Variants in ELOVL5 observed in about 807,000 individuals in gnomAD.
ELOVL5 encodes very long chain fatty acid elongase 5.
ELOVL5 carries 8 observed loss-of-function variants against 38.6 expected under a neutral mutation model. The ratio of observed to expected loss-of-function variants is 0.21; its 90% CI spans 0.12 to 0.37. The LOEUF (loss-of-function observed/expected upper bound fraction) is 0.37, where lower values mean the gene tolerates loss of function less well. Among genes scored for constraint, ELOVL5 ranks in the 10% least tolerant of loss-of-function variants. ELOVL5 has a pLI of 1.00. For synonymous variants in ELOVL5, 127 were observed against 133.7 expected (o/e 0.95, Z 0.34); for missense variants, 280 against 367.8 (o/e 0.76, Z 1.95).
chr6:53,292,771 A>G (rs768762636), intron 2 of ELOVL5, among the ~76,000 whole-genome samples: 1 of 152,252 alleles, frequency 6.6e-6, no homozygotes, highest in Non-Finnish European at 1.5e-5. Flanking sequence ...AGCGTGGGCA[A>G]CAGAGTGAGA....
At chr6:53,270,814 A>G in intron 6 of ELOVL5, 87 bp from the exon 7 acceptor site, 2 of 1,513,100 alleles carry the variant, frequency 1.3e-6, no homozygotes, top group South Asian at 1.2e-5. Flanking sequence ...AGCATCACCT[A>G]AATTTCTGAA....
In ELOVL5 at chr6:53,268,209, C is replaced by T. The variant is rs1461219735; in HGVS notation, c.*918G>A. 4.6e-5 allele frequency: 7 copies of T among 152,102 alleles called. No individual in the cohort carries two copies. Among genetic ancestry groups the T allele is most frequent in the African/African-American group, 1.2e-4 (5 of 41,420 alleles). 9.4% of individuals were successfully genotyped at this position (152,102 alleles called of 1,614,324 possible). A position where few individuals can be genotyped will look rare whatever the true frequency, so the allele number is the denominator to read the frequency against. On this transcript the variant is annotated 3_prime_UTR_variant, in exon 8 of 8. Coordinates refer to ENST00000304434, the MANE Select transcript of ELOVL5 (RefSeq NM_021814.5). ...CAACCAGTTCCCCATTGCTCATCTACGGGACTCTGTCAAACGGTAAATAGG... is the reference window on the plus strand; with the variant it reads ...CAACCAGTTCCCCATTGCTCATCTATGGGACTCTGTCAAACGGTAAATAGG...
rs1314106178 is a variant in ELOVL5, at chr6:53,295,239, A to G, written c.58+403T>C. Among the ~76,000 whole-genome samples the G allele has an allele frequency of 1.3e-5, 2 of 152,222 alleles. 1 individual carries two copies. The highest frequency in any genetic ancestry group is 2.9e-5 in the Non-Finnish European group (2 of 68,032). On this transcript the variant is annotated intron_variant, in intron 2 of 7. Coordinates refer to ENST00000304434, the MANE Select transcript of ELOVL5 (RefSeq NM_021814.5). ...AGGTTCAGGTGCATATTTACCAGTG[A>G]GTTAACATGATACAAAATGAGAAGA...
intron 1 of ELOVL5, among the ~76,000 whole-genome samples, chr6:53,338,558 A>C (rs1217081552): frequency 2.0e-5 from 3 of 152,230 alleles, no homozygotes; most frequent in Non-Finnish European, 4.4e-5. Flanking sequence ...CTTGTAGAGA[A>C]GACAATCAAT....
intron 1 of ELOVL5, among the ~76,000 whole-genome samples, chr6:53,328,818 A>G (rs930358430): frequency 1.3e-5 from 2 of 152,240 alleles, no homozygotes; most frequent in Non-Finnish European, 2.9e-5. Context: ...TGAGACCTTA[A>G]TCTCTTCGTT....
intron 1 of ELOVL5, among the ~76,000 whole-genome samples, chr6:53,297,701 C>A (rs1767067781): frequency 6.6e-6 from 1 of 151,964 alleles, no homozygotes; most frequent in African/African-American, 2.4e-5. Flanking sequence ...GGAAAAAAAA[C>A]CACTATATAT....
At chr6:53,306,854 C>T (rs1305008061) in intron 1 of ELOVL5, among the ~76,000 whole-genome samples, 3 of 152,224 alleles carry the variant, frequency 2.0e-5, no homozygotes, top group African/African-American at 7.2e-5. Flanking sequence ...CGATAATTCA[C>T]ACACAGAATG....
intron 3 of ELOVL5, among the ~76,000 whole-genome samples, chr6:53,290,690 C>T (rs755651533): frequency 3.3e-4 from 50 of 152,180 alleles, no homozygotes; most frequent in Non-Finnish European, 6.5e-4. Flanking sequence ...CACAGATATC[C>T]CACAGCTGCA....
intron 1 of ELOVL5, among the ~76,000 whole-genome samples, chr6:53,318,483 A>C (rs1426884779): frequency 1.3e-5 from 2 of 152,252 alleles, no homozygotes; most frequent in Non-Finnish European, 2.9e-5. Flanking sequence ...TACATAAGTA[A>C]ACATAATTTT....
At chr6:53,334,902 T>C (rs1427575311) in intron 1 of ELOVL5, among the ~76,000 whole-genome samples, 3 of 152,114 alleles carry the variant, frequency 2.0e-5, no homozygotes, top group Non-Finnish European at 4.4e-5. Flanking sequence ...ATGCCCACAA[T>C]GCCCTGTTCT....
intron 1 of ELOVL5, among the ~76,000 whole-genome samples, chr6:53,327,520 A>C (rs1768602776): frequency 6.6e-6 from 1 of 151,860 alleles, no homozygotes; most frequent in African/African-American, 2.4e-5. Context: ...GGTGGTTGTC[A>C]GGGGCTCAGG....
chr6:53,313,345 T>C (rs1767914555), intron 1 of ELOVL5, among the ~76,000 whole-genome samples: 1 of 151,730 alleles, frequency 6.6e-6, no homozygotes, highest in South Asian at 2.1e-4. Context: ...TTTTAATACA[T>C]GGTACATAGA....
intron 1 of ELOVL5, among the ~76,000 whole-genome samples, chr6:53,309,543 C>T (rs1265892663): frequency 1.3e-5 from 2 of 152,158 alleles, no homozygotes; most frequent in Non-Finnish European, 2.9e-5. Flanking sequence ...GTCTAAGATG[C>T]CCCCAAAGAT....
At chr6:53,272,709 T>C (rs1250717019) in intron 6 of ELOVL5, among the ~76,000 whole-genome samples, 1 of 152,170 alleles carries the variant, frequency 6.6e-6, no homozygotes, top group Non-Finnish European at 1.5e-5. Flanking sequence ...AGCTGTTAAC[T>C]GAAGCAAACA....
At chr6:53,285,755 C>T (rs1271236390) in intron 3 of ELOVL5, among the ~76,000 whole-genome samples, 2 of 151,824 alleles carry the variant, frequency 1.3e-5, no homozygotes, top group African/African-American at 2.4e-5. Flanking sequence ...ACAACAAGCT[C>T]GAGCCATGCC....
intron 1 of ELOVL5, among the ~76,000 whole-genome samples, chr6:53,327,127 T>C (rs1372511199): frequency 3.9e-5 from 6 of 152,192 alleles, no homozygotes; most frequent in African/African-American, 1.4e-4. Flanking sequence ...GACAAGTTTC[T>C]ATCCACTCAC....
At chr6:53,288,000 CAGG>C (rs1233438711) in intron 3 of ELOVL5, 44 of 1,411,774 alleles carry the variant, frequency 3.1e-5, no homozygotes, top group Non-Finnish European at 4.1e-5. Context: ...TGAGGCACAG[CAGG>C]AGAAGAGTAG....
At chr6:53,305,273 C>T (rs1458300687) in intron 1 of ELOVL5, among the ~76,000 whole-genome samples, 3 of 137,012 alleles carry the variant, frequency 2.2e-5, no homozygotes, top group African/African-American at 2.9e-5. Context: ...CCAGTAGGGG[C>T]GGCCGGGCAG....
chr6:53,305,163 C>T (rs1767445288), intron 1 of ELOVL5, among the ~76,000 whole-genome samples: 1 of 150,296 alleles, frequency 6.7e-6, no homozygotes, highest in African/African-American at 2.4e-5. Flanking sequence ...GCTGACCCCC[C>T]CACCTCCCTC....
Sources: allele counts gnomAD v4.1 joint callset (sites outside exome capture counted in the v4.1 genomes callset), GRCh38; gene constraint gnomAD v4.1.1; transcripts MANE v1.5; gene names NCBI Gene and HGNC (gene_info 2026-07-23, HGNC 2026-07-21).